MLF1: variants seen among roughly 807,000 people sequenced by gnomAD.
MLF1 encodes the protein myeloid leukemia factor 1, also known as myelodysplasia-myeloid leukemia factor 1.
Under a neutral mutation model 38.3 loss-of-function variants are expected in MLF1, and 37 were observed. That is an observed-to-expected ratio of 0.96 (90% CI 0.74 to 1.27). The LOEUF is 1.27. Among genes scored for constraint, MLF1 ranks in the 50% most tolerant of loss-of-function variants. The pLI is 0.00. For synonymous variants in MLF1, 95 were observed against 106.5 expected (o/e 0.89, Z 0.66); for missense variants, 331 against 349.2 (o/e 0.95, Z 0.42).
At chr3:158,577,415 T>C (rs1715630587) in intron 1 of MLF1, among the ~76,000 whole-genome samples, 1 of 152,234 alleles carries the variant, frequency 6.6e-6, no homozygotes, top group Non-Finnish European at 1.5e-5. Context: ...CTAGTTAATA[T>C]TCTGCCACAT....
At chr3:158,584,312 A>T (rs572302444) in intron 1 of MLF1, among the ~76,000 whole-genome samples, 1 of 152,284 alleles carries the variant, frequency 6.6e-6, no homozygotes, top group Admixed American at 6.5e-5. Context: ...AAGAAGGATA[A>T]ATGAACTAAA....
At chr3:158,572,427 A>G (rs1203955814) in intron 1 of MLF1, among the ~76,000 whole-genome samples, 2 of 62,818 alleles carry the variant, frequency 3.2e-5, no homozygotes, top group Non-Finnish European at 6.1e-5. Context: ...ATGGTTTGGG[A>G]GCGTGAGGTG....
At chr3:158,598,621 C>T (rs956497096) in intron 5 of MLF1, among the ~76,000 whole-genome samples, 1 of 152,100 alleles carries the variant, frequency 6.6e-6, no homozygotes, top group African/African-American at 2.4e-5. Flanking sequence ...TAGAGAATAA[C>T]ATAATAAGTG....
At chr3:158,590,018 A>T (rs2573179) in intron 1 of MLF1, among the ~76,000 whole-genome samples, 52,320 of 152,034 alleles carry the variant, frequency 0.34, 9,589 homozygotes, top group East Asian at 0.66. Flanking sequence ...CCTTATACAC[A>T]TTAGCAAAAT....
chr3:158,593,862 C>T (rs182289990), intron 3 of MLF1, among the ~76,000 whole-genome samples: 1 of 152,160 alleles, frequency 6.6e-6, no homozygotes, highest in East Asian at 1.9e-4. Flanking sequence ...GCCCAGGCAG[C>T]TTTTTCTTGT....
At chr3:158,581,726 G>A (rs750910211) in intron 1 of MLF1, among the ~76,000 whole-genome samples, 8 of 152,176 alleles carry the variant, frequency 5.3e-5, no homozygotes, top group East Asian at 1.9e-4. Flanking sequence ...TATCCAAACC[G>A]TATTTCTAGC....
At chr3:158,578,491 C>G (rs1389509675) in intron 1 of MLF1, among the ~76,000 whole-genome samples, 3 of 148,922 alleles carry the variant, frequency 2.0e-5, no homozygotes, top group African/African-American at 5.1e-5. Context: ...TACGTATGTA[C>G]ATACATACAT....
intron 1 of MLF1, among the ~76,000 whole-genome samples, chr3:158,588,600 C>CAA (rs67267045): frequency 1.6e-3 from 83 of 50,996 alleles, no homozygotes; most frequent in Non-Finnish European, 2.4e-3. Context: ...GACTCCGTCT[C>CAA]AAAAAAAAAA....
Position 158,598,072 on chromosome 3 carries a change from A to G in MLF1, c.325-8A>G, listed in dbSNP as rs1719153985. On this transcript the variant is annotated splice_polypyrimidine_tract_variant and splice_region_variant and intron_variant, in intron 4 of 7. Transcript: ENST00000466246. ...ACTCGACTGAATTTACAATTTGTTT[A>G]CCTGTAGGGTCAACTTTCAGTGGAT... 6.2e-7 allele frequency: 1 copy of G among 1,610,248 alleles called. No individual in the cohort carries two copies.
intron 1 of MLF1, among the ~76,000 whole-genome samples, chr3:158,574,145 A>G (rs1715009947): frequency 6.6e-6 from 1 of 152,174 alleles, no homozygotes; most frequent in African/African-American, 2.4e-5. Flanking sequence ...GTTAGTACTA[A>G]TTTAAAGCAA....
chr3:158,582,674 G>A, intron 1 of MLF1: 1 of 438,906 alleles, frequency 2.3e-6, no homozygotes, highest in Non-Finnish European at 4.0e-6. Flanking sequence ...CAAGCAAGAA[G>A]AGAATGGCAT....
In MLF1 at chr3:158,605,134, A is replaced by AG. The variant is rs1391782344; in HGVS notation, c.786dup (p.Arg263GlufsTer38). The AG allele has an allele frequency of 6.2e-7, 1 of 1,613,674 alleles. No homozygotes were observed. Among genetic ancestry groups the AG allele is most frequent in the African/African-American group, 1.3e-5 (1 of 74,944 alleles). ...ACAAAGTCCAGCCATTGAACATGGA[A>AG]GGAGATCAAATGTTTTGGGGGACAA... On this transcript the variant is annotated frameshift_variant, in exon 8 of 8. Coordinates refer to ENST00000466246, the MANE Select transcript of MLF1 (RefSeq NM_001369783.1). LOFTEE classifies it high-confidence loss of function.
At chr3:158,572,439 C>A (rs2731112) in intron 1 of MLF1, among the ~76,000 whole-genome samples, 1 of 97,344 alleles carries the variant, frequency 1.0e-5, no homozygotes, top group Non-Finnish European at 2.0e-5. Context: ...CGTGAGGTGG[C>A]GGTAAGAGGG....
Position 158,606,043 on chromosome 3 carries a change from T to A in MLF1, c.*841T>A. 5.5e-6 allele frequency: 1 copy of A among 182,804 alleles called. No individual in the cohort carries two copies. Among genetic ancestry groups the A allele is most frequent in the East Asian group, 9.0e-5 (1 of 11,154 alleles). 11.3% of individuals were successfully genotyped at this position (182,804 alleles called of 1,614,324 possible). On this transcript the variant is annotated 3_prime_UTR_variant, in exon 8 of 8. Coordinates refer to ENST00000466246, the MANE Select transcript of MLF1 (RefSeq NM_001369783.1). ...GTGACATTTAGAAAAATGCATTTGG[T>A]ATTCTCCAAACCAGAATGATACATT...
chr3:158,573,865 G>A (rs1714958973), intron 1 of MLF1, among the ~76,000 whole-genome samples: 1 of 152,106 alleles, frequency 6.6e-6, no homozygotes, highest in Admixed American at 6.6e-5. Context: ...AGTGCAGTGG[G>A]TTGCTCTCGG....
intron 1 of MLF1, among the ~76,000 whole-genome samples, chr3:158,588,338 G>C (rs574867696): frequency 2.0e-4 from 30 of 152,318 alleles, no homozygotes; most frequent in African/African-American, 6.5e-4. Flanking sequence ...GTTGTTTTAA[G>C]CTGCTAAGTT....
In MLF1 at chr3:158,598,102, A is replaced by G. The variant is rs376983899; in HGVS notation, c.347A>G (p.Asn116Ser). Residue 116 changes from asparagine to serine, a missense_variant, in exon 5 of 8, where the codon AAT becomes AGT. By Grantham distance (46) the Asn-to-Ser change is conservative. Transcript: ENST00000466246. ...TAGGGTCAACTTTCAGTGGATCCAA[A>G]TGGACATTCATTTTGTTCTTCCTCA... ...RNFGQLSVDP[N>S]GHSFCSSSVM... is the part of the protein sequence containing the mutation. 29 of 1,613,250 alleles carry G rather than the reference A, an allele frequency of 1.8e-5. No individual in the cohort carries two copies. The highest frequency in any genetic ancestry group is 2.4e-5 in the Non-Finnish European group (28 of 1,179,752).
intron 1 of MLF1, among the ~76,000 whole-genome samples, chr3:158,572,779 G>T (rs575070901): frequency 7.0e-6 from 1 of 143,466 alleles, no homozygotes. Flanking sequence ...GGCGTGCAGT[G>T]GGGGGAGGAG....
intron 1 of MLF1, among the ~76,000 whole-genome samples, chr3:158,572,982 C>A (rs1382476621): frequency 6.6e-6 from 1 of 151,514 alleles, no homozygotes; most frequent in Admixed American, 6.6e-5. Flanking sequence ...GCAGAGTTGG[C>A]CTTTGCAGCT....
Sources: gnomAD v4.1 joint callset for allele counts (sites outside exome capture counted in the v4.1 genomes callset) on GRCh38, gnomAD v4.1.1 for gene constraint, MANE v1.5 for transcripts, NCBI Gene and HGNC (gene_info 2026-07-23, HGNC 2026-07-21) for gene names.